Variants in ADCY9 observed in about 807,000 individuals in gnomAD.
ADCY9 encodes the protein adenylate cyclase 9, also known as adenylate cyclase type 9.
A neutral mutation model predicts 101.5 loss-of-function variants in ADCY9; 50 were observed. The observed-to-expected ratio is 0.49, with a 90% confidence interval of 0.39 to 0.62. ADCY9 has a LOEUF of 0.62. ADCY9 is among the 20% of genes least tolerant of loss of function. The pLI is 0.00. For missense variants in ADCY9, 1,662 were observed against 1,800.4 expected (o/e 0.92, Z 1.39); for synonymous variants, 905 against 769.3 (o/e 1.18, Z -2.92).
downstream of ADCY9, among the ~76,000 whole-genome samples, chr16:3,957,845 A>G (rs1466718684): frequency 6.6e-6 from 1 of 152,192 alleles, no homozygotes; most frequent in East Asian, 1.9e-4. Context: ...ACCCTTTCAC[A>G]TCCTTCCCGA....
At chr16:4,062,708 TC>T (rs1292324472) in intron 2 of ADCY9, among the ~76,000 whole-genome samples, 1 of 151,594 alleles carries the variant, frequency 6.6e-6, no homozygotes, top group African/African-American at 2.4e-5. Flanking sequence ...CACAAAAAAA[TC>T]CCACAGACTG....
At chr16:3,968,505 T>C (rs1224392975) in intron 10 of ADCY9, among the ~76,000 whole-genome samples, 3 of 152,192 alleles carry the variant, frequency 2.0e-5, no homozygotes, top group African/African-American at 4.8e-5. Flanking sequence ...ACTCTCTACC[T>C]GTATAAAAAA....
At chr16:3,997,228 T>G (rs929777643) in intron 3 of ADCY9, among the ~76,000 whole-genome samples, 1 of 152,258 alleles carries the variant, frequency 6.6e-6, no homozygotes, top group East Asian at 1.9e-4. Context: ...CACACTGGCT[T>G]TATGAGATTT....
At chr16:4,104,351 C>A (rs572940180) in intron 2 of ADCY9, among the ~76,000 whole-genome samples, 1 of 152,160 alleles carries the variant, frequency 6.6e-6, no homozygotes, top group South Asian at 2.1e-4. Flanking sequence ...TAAAATCACA[C>A]CTGGGTAAAA....
rs1242843205 is a variant in ADCY9, at chr16:4,110,289, G to T, written c.1693+3461C>A. 2.0e-5 allele frequency among the ~76,000 whole-genome samples: 3 copies of T among 152,024 alleles called. No homozygotes were observed. The South Asian group carries it at 6.2e-4, about 32-fold the overall frequency. ...ATTGAAGAGGCAGGCAGTGTTATAC[G>T]GCTCCATGACTGCTCCTGCAGAGCT... On this transcript the variant is annotated intron_variant, in intron 2 of 10. Coordinates refer to ENST00000294016, the MANE Select transcript of ADCY9 (RefSeq NM_001116.4).
intron 2 of ADCY9, among the ~76,000 whole-genome samples, chr16:4,046,205 C>T (rs921581038): frequency 2.0e-5 from 3 of 152,080 alleles, no homozygotes; most frequent in Admixed American, 6.6e-5. Flanking sequence ...AGTATCTGTC[C>T]GGAGTCGCAG....
At chr16:4,080,552 C>A (rs2056895299) in intron 2 of ADCY9, among the ~76,000 whole-genome samples, 1 of 152,132 alleles carries the variant, frequency 6.6e-6, no homozygotes, top group African/African-American at 2.4e-5. Flanking sequence ...ACCCACCGTT[C>A]CCAGCCCAAC....
chr16:3,969,609 T>TATATATATATATATAC (rs1321798408), intron 10 of ADCY9, among the ~76,000 whole-genome samples: 2 of 94,884 alleles, frequency 2.1e-5, no homozygotes, highest in East Asian at 3.8e-4. Flanking sequence ...TATATATATA[T>TATATATATATATATAC]GTATTTTTTT....
At chr16:4,093,420 T>C (rs1322182179) in intron 2 of ADCY9, among the ~76,000 whole-genome samples, 2 of 152,330 alleles carry the variant, frequency 1.3e-5, no homozygotes, top group South Asian at 2.1e-4. Flanking sequence ...AACATTTACA[T>C]CAAATTATAA....
intron 2 of ADCY9, among the ~76,000 whole-genome samples, chr16:4,053,818 G>A (rs140222533): frequency 2.9e-4 from 44 of 152,200 alleles, no homozygotes; most frequent in Admixed American, 2.0e-4. Context: ...GCTCCCAGAC[G>A]ACTCTTTCTC....
At chr16:3,974,734 A>G (rs759457998) in intron 9 of ADCY9, 24 bp from the exon 10 acceptor site, 4 of 1,602,240 alleles carry the variant, frequency 2.5e-6, no homozygotes, top group Non-Finnish European at 3.4e-6. Flanking sequence ...GCAGAAAAAT[A>G]TTATCATAAA....
chr16:3,956,471 G>C (rs1316897433), intron 5 of ADCY9, among the ~76,000 whole-genome samples: 1 of 127,848 alleles, frequency 7.8e-6, no homozygotes, highest in Non-Finnish European at 1.6e-5. Flanking sequence ...GGAAGGACAA[G>C]ACACCAGCGC....
Position 4,113,784 on chromosome 16 carries a change from C to A in ADCY9, c.1659G>T (p.Arg553=). The part of the protein sequence containing the change: ...YEMEDGKVIE[R]LGQSVVADQL... ...GGTCAGCAACCACGCTCTGGCCCAGCCGTTCAATAACTTTCCCATCTTCCA... is the reference window on the plus strand; with the variant it reads ...GGTCAGCAACCACGCTCTGGCCCAGACGTTCAATAACTTTCCCATCTTCCA... Residue 553 remains arginine, a synonymous_variant, in exon 2 of 11, where the codon CGG becomes CGT. Coordinates refer to ENST00000294016, the MANE Select transcript of ADCY9 (RefSeq NM_001116.4). 1.2e-6 allele frequency: 2 copies of A among 1,613,862 alleles called. No individual in the cohort carries two copies. Among genetic ancestry groups the A allele is most frequent in the East Asian group, 2.2e-5 (1 of 44,868 alleles).
intron 2 of ADCY9, among the ~76,000 whole-genome samples, chr16:4,050,883 G>A (rs1260930329): frequency 6.6e-6 from 1 of 152,122 alleles, no homozygotes; most frequent in East Asian, 1.9e-4. Flanking sequence ...TTCCAGGGCT[G>A]GAGCAAGGAA....
intron 10 of ADCY9, among the ~76,000 whole-genome samples, chr16:3,969,338 C>G (rs2056026900): frequency 6.6e-6 from 1 of 151,244 alleles, no homozygotes; most frequent in Non-Finnish European, 1.5e-5. Context: ...ACCTCCACCT[C>G]CTGGGCTCAA....
chr16:3,968,320 C>CGG (rs1429394715), intron 10 of ADCY9, among the ~76,000 whole-genome samples: 6 of 151,768 alleles, frequency 4.0e-5, no homozygotes, highest in African/African-American at 9.7e-5. Flanking sequence ...TTAGTAGAGA[C>CGG]GGGGTTTCTC....
At chr16:4,097,042 T>C (rs779434504) in intron 2 of ADCY9, among the ~76,000 whole-genome samples, 2 of 152,118 alleles carry the variant, frequency 1.3e-5, no homozygotes, top group East Asian at 3.9e-4. Context: ...AGCTACAATA[T>C]TATTAAGATA....
intron 2 of ADCY9, among the ~76,000 whole-genome samples, chr16:4,047,845 C>T (rs2056675932): frequency 6.6e-6 from 1 of 152,230 alleles, no homozygotes; most frequent in African/African-American, 2.4e-5. Context: ...AGGCGTGAGC[C>T]ACCGCATCCG....
chr16:3,972,386 C>A (rs529003713), intron 10 of ADCY9, among the ~76,000 whole-genome samples: 2 of 152,060 alleles, frequency 1.3e-5, no homozygotes, highest in East Asian at 1.9e-4. Context: ...CCCGCCACCA[C>A]GTCCAGCTAA....
Sources: allele counts gnomAD v4.1 joint callset (sites outside exome capture counted in the v4.1 genomes callset), GRCh38; gene constraint gnomAD v4.1.1; transcripts MANE v1.5; gene names NCBI Gene and HGNC (gene_info 2026-07-23, HGNC 2026-07-21).